Variants in EBF1 observed in about 807,000 individuals in gnomAD.
EBF1 encodes the protein transcription factor COE1.
In EBF1, 10 loss-of-function variants were observed where a neutral mutation model predicts 68.4. The ratio of observed to expected loss-of-function variants is 0.15; its 90% CI spans 0.09 to 0.25. The LOEUF (loss-of-function observed/expected upper bound fraction) is 0.25. Among genes scored for constraint, EBF1 ranks in the 10% least tolerant of loss-of-function variants. The probability of loss-of-function intolerance (pLI) is 1.00; values close to 1 mark genes in which losing one functional copy is unlikely to be tolerated. For missense variants in EBF1, 509 were observed against 794.4 expected (o/e 0.64, Z 4.32); for synonymous variants, 298 against 299.8 (o/e 0.99, Z 0.06).
intron 6 of EBF1, among the ~76,000 whole-genome samples, chr5:158,973,082 A>C (rs947379393): frequency 6.6e-6 from 1 of 152,144 alleles, no homozygotes; most frequent in African/African-American, 2.4e-5. Flanking sequence ...TCACCATTTG[A>C]CGTACTGGAT....
chr5:159,006,647 TAAAAA>T (rs36045942), intron 6 of EBF1, among the ~76,000 whole-genome samples: 671 of 56,144 alleles, frequency 0.012, 9 homozygotes, highest in African/African-American at 0.044. Context: ...ATAGCCATGT[TAAAAA>T]AAAAAAAAAA....
intron 6 of EBF1, among the ~76,000 whole-genome samples, chr5:158,915,457 G>C (rs1004552423): frequency 2.6e-5 from 4 of 152,254 alleles, no homozygotes; most frequent in African/African-American, 9.6e-5. Context: ...CACAGAAGTA[G>C]GACATGGCCA....
chr5:158,845,558 C>A (rs940548686), intron 6 of EBF1, among the ~76,000 whole-genome samples: 1 of 152,116 alleles, frequency 6.6e-6, no homozygotes, highest in African/African-American at 2.4e-5. Context: ...TTATCCCTGG[C>A]AACTGCTCAC....
intron 10 of EBF1, among the ~76,000 whole-genome samples, chr5:158,763,679 TAAAG>T (rs1229717594): frequency 7.2e-5 from 11 of 152,268 alleles, no homozygotes; most frequent in East Asian, 5.8e-4. Flanking sequence ...ATTAGAGAAA[TAAAG>T]AGTTTATCAA....
chr5:159,082,028 G>A (rs1028035380), intron 5 of EBF1, among the ~76,000 whole-genome samples: 1 of 152,152 alleles, frequency 6.6e-6, no homozygotes, highest in African/African-American at 2.4e-5. Context: ...ATGGTGGCCA[G>A]TCCCTTATCC....
intron 6 of EBF1, among the ~76,000 whole-genome samples, chr5:158,937,495 CAAATACTCTCCCTGAGCAAG>C (rs1233157728): frequency 1.3e-5 from 2 of 152,124 alleles, no homozygotes; most frequent in Non-Finnish European, 2.9e-5. Flanking sequence ...AACCGAGGAT[CAAATACTCTCCCTGAGCAAG>C]GGTGTAGGCA....
intron 9 of EBF1, among the ~76,000 whole-genome samples, chr5:158,792,812 A>T (rs1014663929): frequency 2.0e-5 from 3 of 152,190 alleles, no homozygotes; most frequent in Admixed American, 6.5e-5. Context: ...TCTACCTAGA[A>T]TCCAGTGGTG....
chr5:158,778,332 T>C (rs938732012), intron 9 of EBF1, among the ~76,000 whole-genome samples: 1 of 152,200 alleles, frequency 6.6e-6, no homozygotes, highest in African/African-American at 2.4e-5. Flanking sequence ...TCTGGTTCTT[T>C]GAAAAATCCA....
chr5:158,726,795 G>A (rs1581363767), intron 11 of EBF1, among the ~76,000 whole-genome samples: 1 of 152,202 alleles, frequency 6.6e-6, no homozygotes, highest in African/African-American at 2.4e-5. Context: ...AGTGACGGCA[G>A]TGAGGCTACC....
intron 6 of EBF1, among the ~76,000 whole-genome samples, chr5:159,034,490 T>C (rs1250112938): frequency 6.6e-6 from 1 of 152,210 alleles, no homozygotes; most frequent in Non-Finnish European, 1.5e-5. Flanking sequence ...AATTCCTCTC[T>C]GGCTTGAAAC....
Position 158,697,539 on chromosome 5 carries a change from T to C in EBF1, c.*1572A>G, listed in dbSNP as rs1360643586. On this transcript the variant is annotated 3_prime_UTR_variant, in exon 16 of 16. Transcript: ENST00000313708. ...GAAGAGGAAGAAGGGAAAAGCAATG[T>C]ACAAATTCGAAAGATAAATACATTA... 4.8e-6 allele frequency: 1 copy of C among 208,186 alleles called. No homozygotes were observed. Among genetic ancestry groups the C allele is most frequent in the African/African-American group, 2.3e-5 (1 of 43,908 alleles). 12.9% of individuals were successfully genotyped at this position (208,186 alleles called of 1,614,324 possible).
At chr5:159,051,713 G>T (rs188952623) in intron 6 of EBF1, among the ~76,000 whole-genome samples, 23 of 151,870 alleles carry the variant, frequency 1.5e-4, no homozygotes, top group Admixed American at 1.3e-3. Context: ...CATTCAGAAG[G>T]GGGGGCAAGA....
At chr5:158,892,212 G>A (rs530467741) in intron 6 of EBF1, among the ~76,000 whole-genome samples, 2 of 152,156 alleles carry the variant, frequency 1.3e-5, no homozygotes, top group Non-Finnish European at 2.9e-5. Context: ...TCTGAGGCCA[G>A]GCACAGTGGC....
At chr5:159,088,197 T>C (rs1043230226) in intron 4 of EBF1, among the ~76,000 whole-genome samples, 12 of 152,100 alleles carry the variant, frequency 7.9e-5, no homozygotes, top group African/African-American at 2.9e-4. Flanking sequence ...ACCCCTATCA[T>C]ACAGAAGGTA....
intron 10 of EBF1, among the ~76,000 whole-genome samples, chr5:158,761,539 T>G (rs749762176): frequency 2.6e-5 from 4 of 152,186 alleles, no homozygotes; most frequent in African/African-American, 4.8e-5. Flanking sequence ...TCACATTAAC[T>G]TCATAATAAG....
intron 1 of EBF1, among the ~76,000 whole-genome samples, chr5:159,098,042 A>G (rs1782968934): frequency 6.6e-6 from 1 of 152,222 alleles, no homozygotes; most frequent in Non-Finnish European, 1.5e-5. Flanking sequence ...CCTAATACTC[A>G]GTGGGGATGG....
chr5:159,032,850 A>C (rs1769199489), intron 6 of EBF1, among the ~76,000 whole-genome samples: 1 of 152,314 alleles, frequency 6.6e-6, no homozygotes, highest in South Asian at 2.1e-4. Flanking sequence ...AGAGCTCTCA[A>C]GTCATTTTGT....
intron 6 of EBF1, among the ~76,000 whole-genome samples, chr5:159,065,484 G>A (rs771536243): frequency 6.6e-6 from 1 of 152,018 alleles, no homozygotes; most frequent in Non-Finnish European, 1.5e-5. Context: ...AAAAAGAAAA[G>A]AAAAAAAGTT....
chr5:159,007,410 G>A, intron 6 of EBF1, among the ~76,000 whole-genome samples: 1 of 152,184 alleles, frequency 6.6e-6, no homozygotes, highest in East Asian at 1.9e-4. Context: ...GCTTTTGGAT[G>A]ACTGTTTATA....
Sources: gnomAD v4.1 joint callset for allele counts (sites outside exome capture counted in the v4.1 genomes callset) on GRCh38, gnomAD v4.1.1 for gene constraint, MANE v1.5 for transcripts, NCBI Gene and HGNC (gene_info 2026-07-23, HGNC 2026-07-21) for gene names.